GRID2: variants seen among roughly 807,000 people sequenced by gnomAD.
GRID2 encodes the protein glutamate ionotropic receptor delta type subunit 2, also known as glutamate receptor ionotropic, delta-2.
A neutral mutation model predicts 114.8 loss-of-function variants in GRID2; 33 were observed. The ratio of observed to expected loss-of-function variants is 0.29; its 90% CI spans 0.22 to 0.38. GRID2 has a LOEUF of 0.38. Ranked by LOEUF, GRID2 falls within the 10% of genes least tolerant of loss-of-function variation. The pLI is 1.00. For missense variants in GRID2, 1,184 were observed against 1,257.7 expected, an observed-to-expected ratio of 0.94 and a Z score of 0.89; for synonymous variants, 505 against 449.9, an observed-to-expected ratio of 1.12 and a Z score of -1.55.
intron 2 of GRID2, among the ~76,000 whole-genome samples, chr4:92,708,553 T>C (rs1012772996): frequency 3.9e-5 from 6 of 152,180 alleles, no homozygotes; most frequent in African/African-American, 1.4e-4. Context: ...GTCACTTATT[T>C]ATCTCATCTG....
intron 8 of GRID2, among the ~76,000 whole-genome samples, chr4:93,370,936 A>C (rs1762830939): frequency 6.6e-6 from 1 of 152,186 alleles, no homozygotes; most frequent in Admixed American, 6.6e-5. Context: ...TCATTGATAC[A>C]TTTAAATGGC....
At chr4:92,974,863 G>A (rs1050428765) in intron 2 of GRID2, among the ~76,000 whole-genome samples, 8 of 151,890 alleles carry the variant, frequency 5.3e-5, no homozygotes, top group African/African-American at 1.9e-4. Flanking sequence ...AACAAAAAAA[G>A]TGTTGATTAA....
chr4:93,444,794 T>G (rs1026527657), intron 10 of GRID2, among the ~76,000 whole-genome samples: 19 of 152,130 alleles, frequency 1.2e-4, no homozygotes, highest in African/African-American at 4.3e-4. Flanking sequence ...TAAGATTACA[T>G]TACATTATGA....
intron 2 of GRID2, among the ~76,000 whole-genome samples, chr4:92,666,378 T>C (rs1180269888): frequency 6.6e-6 from 1 of 151,600 alleles, no homozygotes; most frequent in Non-Finnish European, 1.5e-5. Context: ...AGTCATTTTC[T>C]AGTAGATCTA....
intron 12 of GRID2, among the ~76,000 whole-genome samples, chr4:93,500,004 A>G (rs940282949): frequency 1.3e-5 from 2 of 152,008 alleles, no homozygotes; most frequent in African/African-American, 4.8e-5. Context: ...AAATGAATAA[A>G]TGGCATCCAT....
intron 4 of GRID2, among the ~76,000 whole-genome samples, chr4:93,124,541 C>G (rs896501821): frequency 6.6e-6 from 1 of 152,188 alleles, no homozygotes; most frequent in African/African-American, 2.4e-5. Flanking sequence ...GCAAATGGAT[C>G]TTAGTTAGCA....
At chr4:93,247,820 C>T (rs12647725) in intron 8 of GRID2, among the ~76,000 whole-genome samples, 3,368 of 151,870 alleles carry the variant, frequency 0.022, 134 homozygotes, top group East Asian at 0.19. Flanking sequence ...TATCTTACCA[C>T]GTTTGAGGGA....
Position 93,547,330 on chromosome 4 carries a change from C to T in GRID2, c.2193+31919C>T, listed in dbSNP as rs145632744. ...CTGAGGACTGAAGTTTCTAAAAAGT[C>T]TTAATATTCCCCGATTATATACTCA... On this transcript the variant is annotated intron_variant, in intron 13 of 15. Coordinates refer to ENST00000282020, the MANE Select transcript of GRID2 (RefSeq NM_001510.4). 3.0e-3 allele frequency among the ~76,000 whole-genome samples: 463 copies of T among 152,214 alleles called. 2 individuals carry two copies. The highest frequency in any genetic ancestry group is 0.01 in the African/African-American group (425 of 41,530).
intron 2 of GRID2, among the ~76,000 whole-genome samples, chr4:92,920,331 C>A (rs1335882720): frequency 6.6e-6 from 1 of 152,110 alleles, no homozygotes; most frequent in African/African-American, 2.4e-5. Context: ...TTAATTGGAG[C>A]ATTTATCCCA....
At chr4:93,582,767 A>AT (rs1737108683) in intron 13 of GRID2, among the ~76,000 whole-genome samples, 1 of 152,142 alleles carries the variant, frequency 6.6e-6, no homozygotes, top group Admixed American at 6.6e-5. Flanking sequence ...TTATATTTAG[A>AT]TTGGGGAAAT....
intron 2 of GRID2, among the ~76,000 whole-genome samples, chr4:92,795,735 A>C (rs896370581): frequency 1.3e-5 from 2 of 151,974 alleles, no homozygotes; most frequent in Non-Finnish European, 2.9e-5. Context: ...CAGATTGTCT[A>C]TTGTTAATTT....
At chr4:92,348,755 A>G (rs1408758659) in intron 1 of GRID2, among the ~76,000 whole-genome samples, 1 of 152,174 alleles carries the variant, frequency 6.6e-6, no homozygotes, top group Admixed American at 6.6e-5. Context: ...ACCCAAACAC[A>G]TAACGTCTCC....
intron 2 of GRID2, among the ~76,000 whole-genome samples, chr4:92,772,402 C>T (rs879277937): frequency 1.3e-5 from 2 of 152,072 alleles, no homozygotes; most frequent in Non-Finnish European, 2.9e-5. Flanking sequence ...TACTCTCTTT[C>T]TTCCTGCAGT....
chr4:92,362,826 TTTAA>T (rs1178638281), intron 1 of GRID2, among the ~76,000 whole-genome samples: 3 of 152,052 alleles, frequency 2.0e-5, no homozygotes, highest in Non-Finnish European at 4.4e-5. Context: ...ATTTTCTGAA[TTTAA>T]TTGTGTCATT....
chr4:93,486,540 T>C (rs1424722716), intron 11 of GRID2, among the ~76,000 whole-genome samples: 9 of 151,736 alleles, frequency 5.9e-5, no homozygotes. Flanking sequence ...TGGTTATTTC[T>C]AGGTTTGTTT....
At chr4:93,685,385 A>T (rs1425105999) in intron 14 of GRID2, among the ~76,000 whole-genome samples, 1 of 152,016 alleles carries the variant, frequency 6.6e-6, no homozygotes, top group Non-Finnish European at 1.5e-5. Context: ...ATCCTCAAAG[A>T]GGTGTTCCTT....
At chr4:93,511,841 A>G (rs1360585675) in intron 12 of GRID2, among the ~76,000 whole-genome samples, 3 of 149,794 alleles carry the variant, frequency 2.0e-5, no homozygotes, top group African/African-American at 4.9e-5. Context: ...CTAGAGTGCA[A>G]TGGTGCAATC....
chr4:93,259,195 A>T (rs974841944), intron 8 of GRID2, among the ~76,000 whole-genome samples: 1 of 151,806 alleles, frequency 6.6e-6, no homozygotes, highest in Non-Finnish European at 1.5e-5. Context: ...CTAGGAGACA[A>T]GTTGGTTGGC....
chr4:93,133,564 G>C (rs1231037209), intron 4 of GRID2, among the ~76,000 whole-genome samples: 1 of 149,900 alleles, frequency 6.7e-6, no homozygotes, highest in Non-Finnish European at 1.5e-5. Context: ...AATGCACTTT[G>C]GGAAAAAATT....
Sources: gnomAD v4.1 joint callset for allele counts (sites outside exome capture counted in the v4.1 genomes callset) on GRCh38, gnomAD v4.1.1 for gene constraint, MANE v1.5 for transcripts, NCBI Gene and HGNC (gene_info 2026-07-23, HGNC 2026-07-21) for gene names.